Variants in HTR4 observed in about 807,000 individuals in gnomAD.
The protein encoded by HTR4 is 5-hydroxytryptamine (serotonin) receptor 4, G protein-coupled.
A neutral mutation model predicts 36.8 loss-of-function variants in HTR4; 16 were observed. That is an observed-to-expected ratio of 0.43 (90% CI 0.29 to 0.66). The LOEUF (loss-of-function observed/expected upper bound fraction) is 0.66, where lower values mean the gene tolerates loss of function less well. Ranked by LOEUF, HTR4 falls within the 30% of genes least tolerant of loss-of-function variation. The pLI, the probability that HTR4 is intolerant of heterozygous loss-of-function variation, is 0.13. For missense variants in HTR4, 438 were observed against 490.9 expected, an observed-to-expected ratio of 0.89 and a Z score of 1.02; for synonymous variants, 189 against 185.1, an observed-to-expected ratio of 1.02 and a Z score of -0.17.
At chr5:148,597,793 T>A (rs940096364) in intron 2 of HTR4, among the ~76,000 whole-genome samples, 7 of 152,216 alleles carry the variant, frequency 4.6e-5, no homozygotes, top group Non-Finnish European at 7.3e-5. Flanking sequence ...CTATATTATA[T>A]CCTTGCCTCT....
At chr5:148,613,350 T>C (rs1255241211) in intron 2 of HTR4, among the ~76,000 whole-genome samples, 2 of 138,874 alleles carry the variant, frequency 1.4e-5, no homozygotes, top group Non-Finnish European at 3.1e-5. Flanking sequence ...GTGGGCTTCA[T>C]CCCTGGGATG....
intron 2 of HTR4, among the ~76,000 whole-genome samples, chr5:148,613,817 A>C (rs1030083946): frequency 1.3e-5 from 2 of 151,666 alleles, no homozygotes; most frequent in African/African-American, 4.9e-5. Context: ...TAAGCTGATA[A>C]GCAACTTCAG....
chr5:148,511,644 T>G (rs1381173546), intron 5 of HTR4, among the ~76,000 whole-genome samples: 1 of 151,870 alleles, frequency 6.6e-6, no homozygotes, highest in Non-Finnish European at 1.5e-5. Flanking sequence ...TGTGTGTGTG[T>G]GTGTGTGTGT....
intron 2 of HTR4, among the ~76,000 whole-genome samples, chr5:148,609,605 G>A (rs1457264421): frequency 3.5e-5 from 5 of 140,858 alleles, no homozygotes; most frequent in African/African-American, 8.0e-5. Context: ...TTGAGACTCC[G>A]CCCAGGCTGG....
intron 2 of HTR4, among the ~76,000 whole-genome samples, chr5:148,626,041 C>T (rs1196041251): frequency 2.0e-5 from 3 of 152,182 alleles, no homozygotes; most frequent in Non-Finnish European, 2.9e-5. Context: ...GTCCAGAGAA[C>T]TGGTCTGAGT....
At position 148,567,541 on chromosome 5, in the gene HTR4, A is replaced by G. The variant is rs553204731; in HGVS notation, c.27-17279T>C. On this transcript the variant is annotated intron_variant, in intron 2 of 6. Transcript: ENST00000377888. ...GACTTGGTAGAATATACCAGGATAT[A>G]AGGAACCTGGTACCAGCTGCCCCTT... 5.3e-5 allele frequency among the ~76,000 whole-genome samples: 8 copies of G among 152,108 alleles called. No individual in the cohort carries two copies. In the South Asian group the frequency reaches 1.7e-3, roughly 32 times the overall value.
rs370514542 is a variant in HTR4, at chr5:148,639,617, G to GTATATATATATATATATATA, written c.-47-2576_-47-2557dup. On this transcript the variant is annotated intron_variant, in intron 1 of 6. Transcript: ENST00000377888. ...TCTCTGTTCTATTTTTTTCTTCCCA[G>GTATATATATATATATATATA]TATATATATATATATATATATATAT... Among the ~76,000 whole-genome samples the GTATATATATATATATATATA allele has an allele frequency of 2.3e-3, 259 of 111,766 alleles. 3 individuals are homozygous for GTATATATATATATATATATA. The highest frequency in any genetic ancestry group is 7.1e-3 in the South Asian group (19 of 2,692). The allele number at this position is 111,766 out of a possible 152,430, so 73.3% of individuals were successfully genotyped here. A position where few individuals can be genotyped will look rare whatever the true frequency, so the allele number is the denominator to read the frequency against.
chr5:148,512,504 A>G (rs1379833735), intron 5 of HTR4, among the ~76,000 whole-genome samples: 1 of 152,118 alleles, frequency 6.6e-6, no homozygotes, highest in Non-Finnish European at 1.5e-5. Context: ...TGTCAGATTT[A>G]TGTGTTGCAC....
intron 2 of HTR4, among the ~76,000 whole-genome samples, chr5:148,590,230 T>C (rs1360192509): frequency 6.6e-6 from 1 of 151,894 alleles, no homozygotes; most frequent in African/African-American, 2.4e-5. Context: ...AGGATTTTAG[T>C]TCTACCTTGT....
In HTR4 at chr5:148,529,902, A is replaced by T. The variant is rs571939700; in HGVS notation, c.354-6556T>A. On this transcript the variant is annotated intron_variant, in intron 4 of 6. Coordinates refer to ENST00000377888, the MANE Select transcript of HTR4 (RefSeq NM_000870.7). ...AACTGGAGCAAAGGTGGCTCTTGTT[A>T]TGATTTAGCAAAGAGATTGGTGGCA... is the stretch of plus-strand genomic sequence containing the variant. Among the ~76,000 whole-genome samples the T allele has an allele frequency of 5.9e-5, 9 of 152,316 alleles. No homozygotes were observed. In the East Asian group the frequency reaches 1.5e-3, roughly 26 times the overall value.
intron 2 of HTR4, among the ~76,000 whole-genome samples, chr5:148,611,331 G>A (rs1329419682): frequency 7.9e-5 from 12 of 151,982 alleles, no homozygotes; most frequent in African/African-American, 1.9e-4. Flanking sequence ...CGGATCTGTC[G>A]GCAGAAACTC....
At chr5:148,490,839 T>A in intron 6 of HTR4, 1 of 553,906 alleles carries the variant, frequency 1.8e-6, no homozygotes, top group Non-Finnish European at 3.2e-6. Context: ...CTGTTTCCTC[T>A]AACAGCCCTT....
chr5:148,563,518 T>C (rs2113869937), intron 2 of HTR4, among the ~76,000 whole-genome samples: 1 of 152,322 alleles, frequency 6.6e-6, no homozygotes, highest in Middle Eastern at 3.4e-3. Flanking sequence ...TTCACTGAAG[T>C]ATTTTCCAGC....
At chr5:148,605,123 C>G (rs1192788688) in intron 2 of HTR4, among the ~76,000 whole-genome samples, 1 of 152,122 alleles carries the variant, frequency 6.6e-6, no homozygotes, top group Non-Finnish European at 1.5e-5. Flanking sequence ...CAGCTGGTAC[C>G]AGGGTCAACT....
At chr5:148,556,605 A>G (rs1266467975) in intron 2 of HTR4, among the ~76,000 whole-genome samples, 2 of 152,198 alleles carry the variant, frequency 1.3e-5, no homozygotes, top group Non-Finnish European at 2.9e-5. Flanking sequence ...CAATTAAATA[A>G]ATAAATACAG....
rs142065207 is a variant in HTR4 at position 148,499,029 on chromosome 5, G to A, written c.1076+10427C>T. On this transcript the variant is annotated intron_variant, in intron 6 of 6. Transcript: ENST00000377888. ...AAAGTCAAGGTGATCATGGAAAGTT[G>A]TAATCTTAACTCTGACTCTAAGTGG... Among the ~76,000 whole-genome samples, 269 of 152,286 alleles carry A rather than the reference G, an allele frequency of 1.8e-3. 8 individuals carry two copies. The East Asian group carries it at 0.035, about 20-fold the overall frequency.
At chr5:148,576,345 C>A (rs1037269470) in intron 2 of HTR4, among the ~76,000 whole-genome samples, 1 of 151,686 alleles carries the variant, frequency 6.6e-6, no homozygotes, top group Non-Finnish European at 1.5e-5. Context: ...AAAAAACATC[C>A]CATGTGCGTG....
Position 148,654,355 on chromosome 5 carries a change from C to G in HTR4, c.-341G>C. 1 of 985,450 alleles carries G rather than the reference C, an allele frequency of 1.0e-6. No homozygotes were observed. The highest frequency in any genetic ancestry group is 1.2e-6 in the Non-Finnish European group (1 of 829,942). The allele number at this position is 985,450 out of a possible 1,614,324, so 61.0% of individuals were successfully genotyped here. On this transcript the variant is annotated 5_prime_UTR_variant, in exon 1 of 7. Transcript: ENST00000377888. ...CCACGGGCTCAACAGCCCCCAGCCC[C>G]GGTGGTCCCCGCTGCCCTGCCCGCT...
At chr5:148,520,925 A>T in intron 5 of HTR4, 1 of 1,367,832 alleles carries the variant, frequency 7.3e-7, no homozygotes, top group Non-Finnish European at 9.8e-7. Flanking sequence ...GACATACCGC[A>T]TGAAAATCCT....
Sources: gnomAD v4.1 joint callset for allele counts (sites outside exome capture counted in the v4.1 genomes callset) on GRCh38, gnomAD v4.1.1 for gene constraint, MANE v1.5 for transcripts, NCBI Gene and HGNC (gene_info 2026-07-23, HGNC 2026-07-21) for gene names.